The following HS6ST3 variants were observed in gnomAD, a reference collection of about 807,000 sequenced individuals.
HS6ST3 encodes heparan-sulfate 6-O-sulfotransferase 3.
HS6ST3 carries 12 observed loss-of-function variants against 36.7 expected under a neutral mutation model. That is an observed-to-expected ratio of 0.33 (90% CI 0.21 to 0.53). The LOEUF (loss-of-function observed/expected upper bound fraction) is 0.53, where lower values mean the gene tolerates loss of function less well. Among genes scored for constraint, HS6ST3 ranks in the 20% least tolerant of loss-of-function variants. The probability of loss-of-function intolerance (pLI) is 0.95; values close to 1 mark genes in which losing one functional copy is unlikely to be tolerated. For synonymous variants in HS6ST3, 240 were observed against 257.5 expected (o/e 0.93, Z 0.65); for missense variants, 584 against 640.9 (o/e 0.91, Z 0.96).
chr13:96,387,443 G>A (rs1044681433), intron 1 of HS6ST3, among the ~76,000 whole-genome samples: 1 of 152,122 alleles, frequency 6.6e-6, no homozygotes, highest in African/African-American at 2.4e-5. Context: ...TTCTGCACAG[G>A]AATAATACTT....
At chr13:96,788,067 G>A (rs1424771674) in intron 1 of HS6ST3, among the ~76,000 whole-genome samples, 1 of 151,794 alleles carries the variant, frequency 6.6e-6, no homozygotes, top group African/African-American at 2.4e-5. Flanking sequence ...GAACATACTT[G>A]TGCAGATCTA....
chr13:96,381,840 CACA>C (rs1339715188), intron 1 of HS6ST3, among the ~76,000 whole-genome samples: 3 of 152,264 alleles, frequency 2.0e-5, no homozygotes, highest in Middle Eastern at 3.4e-3. Flanking sequence ...TGGCCTGACA[CACA>C]ACACCAGACA....
chr13:96,215,274 GTA>G (rs1033055858), intron 1 of HS6ST3, among the ~76,000 whole-genome samples: 22 of 152,342 alleles, frequency 1.4e-4, no homozygotes, highest in Admixed American at 1.3e-3. Context: ...ATGTGCCTGT[GTA>G]TGGCTTTCTG....
At chr13:96,810,671 G>T (rs1878299370) in intron 1 of HS6ST3, among the ~76,000 whole-genome samples, 1 of 152,208 alleles carries the variant, frequency 6.6e-6, no homozygotes, top group Non-Finnish European at 1.5e-5. Flanking sequence ...TTAGGATGAT[G>T]TTAAAAATGG....
intron 1 of HS6ST3, among the ~76,000 whole-genome samples, chr13:96,125,071 G>T (rs1265016815): frequency 6.6e-6 from 1 of 152,100 alleles, no homozygotes; most frequent in Non-Finnish European, 1.5e-5. Flanking sequence ...TGGCTATTTG[G>T]ATTGCAATTA....
chr13:96,271,715 A>C (rs529771900), intron 1 of HS6ST3, among the ~76,000 whole-genome samples: 1 of 152,002 alleles, frequency 6.6e-6, no homozygotes, highest in Non-Finnish European at 1.5e-5. Flanking sequence ...GAATCTCCCA[A>C]TCTCAGTGGG....
At chr13:96,796,200 G>A (rs1368933327) in intron 1 of HS6ST3, among the ~76,000 whole-genome samples, 1 of 152,034 alleles carries the variant, frequency 6.6e-6, no homozygotes, top group Admixed American at 6.6e-5. Context: ...GCCTTTTGAT[G>A]TGTTGCTGGC....
At chr13:96,641,089 GA>G (rs1156717378) in intron 1 of HS6ST3, among the ~76,000 whole-genome samples, 1 of 151,890 alleles carries the variant, frequency 6.6e-6, no homozygotes, top group Non-Finnish European at 1.5e-5. Context: ...AGTTATGTGT[GA>G]AATAATGTGG....
At chr13:96,506,697 G>A (rs961544247) in intron 1 of HS6ST3, among the ~76,000 whole-genome samples, 12 of 152,106 alleles carry the variant, frequency 7.9e-5, no homozygotes, top group South Asian at 4.1e-4. Flanking sequence ...TATAAGGTAC[G>A]TACAAATATC....
At chr13:96,552,608 C>A (rs7326887) in intron 1 of HS6ST3, among the ~76,000 whole-genome samples, 25,892 of 152,060 alleles carry the variant, frequency 0.17, 3,002 homozygotes, top group African/African-American at 0.33. Context: ...CTGGACATCC[C>A]GGCCAGCAAG....
intron 1 of HS6ST3, among the ~76,000 whole-genome samples, chr13:96,111,003 A>T (rs1014193393): frequency 6.6e-6 from 1 of 152,164 alleles, no homozygotes; most frequent in African/African-American, 2.4e-5. Flanking sequence ...CTACACATTG[A>T]CTAGTATAAA....
intron 1 of HS6ST3, among the ~76,000 whole-genome samples, chr13:96,340,914 A>G (rs1316948029): frequency 6.6e-6 from 1 of 152,222 alleles, no homozygotes; most frequent in East Asian, 1.9e-4. Flanking sequence ...ATTCTCAGAC[A>G]TAATCACTAA....
chr13:96,313,775 C>T (rs2054953614), intron 1 of HS6ST3, among the ~76,000 whole-genome samples: 2 of 152,132 alleles, frequency 1.3e-5, no homozygotes, highest in African/African-American at 4.8e-5. Flanking sequence ...TATGATGGTC[C>T]AAGATAGAAA....
At chr13:96,192,950 G>A (rs2054295742) in intron 1 of HS6ST3, among the ~76,000 whole-genome samples, 1 of 152,124 alleles carries the variant, frequency 6.6e-6, no homozygotes, top group Admixed American at 6.6e-5. Context: ...AAGTATTATT[G>A]CAGTCAAGAG....
intron 1 of HS6ST3, among the ~76,000 whole-genome samples, chr13:96,830,348 C>A (rs1421233095): frequency 6.6e-6 from 1 of 152,168 alleles, no homozygotes; most frequent in Non-Finnish European, 1.5e-5. Flanking sequence ...AGTACAAATG[C>A]ATGCCCTAAC....
rs1305469908 is a variant in HS6ST3 at position 96,833,284 on chromosome 13, T to G, written c.*86T>G. On this transcript the variant is annotated 3_prime_UTR_variant, in exon 2 of 2. Transcript: ENST00000376705. ...AGGTACCTTGGAGAAGCTGAGCCATTCTGAGGACATCTGGCTGTGTGTGCT... is the reference window on the plus strand; with the variant it reads ...AGGTACCTTGGAGAAGCTGAGCCATGCTGAGGACATCTGGCTGTGTGTGCT... 3.1e-6 allele frequency: 3 copies of G among 982,834 alleles called. No homozygotes were observed. The African/African-American group carries it at 4.9e-5, about 16-fold the overall frequency. 60.9% of individuals were successfully genotyped at this position (982,834 alleles called of 1,614,324 possible).
rs528524320 is a variant in HS6ST3 at position 96,686,772 on chromosome 13, T to C, written c.708-145718T>C. 1.9e-4 allele frequency among the ~76,000 whole-genome samples: 29 copies of C among 152,162 alleles called. 1 individual carries two copies. Among genetic ancestry groups the C allele is most frequent in the African/African-American group, 6.7e-4 (28 of 41,560 alleles). On this transcript the variant is annotated intron_variant, in intron 1 of 1. Transcript: ENST00000376705. ...CTCGCTGTGGGGCTTCATTTCCCTATTGTGGAAAGAGACTTAGAAGATAAC... is the reference window on the plus strand; with the variant it reads ...CTCGCTGTGGGGCTTCATTTCCCTACTGTGGAAAGAGACTTAGAAGATAAC...
chr13:96,805,222 G>T (rs966722211), intron 1 of HS6ST3, among the ~76,000 whole-genome samples: 3 of 152,086 alleles, frequency 2.0e-5, no homozygotes, highest in African/African-American at 7.2e-5. Context: ...GGGCCTGGTG[G>T]GAGGTGATTG....
intron 1 of HS6ST3, among the ~76,000 whole-genome samples, chr13:96,346,890 G>A (rs2055158129): frequency 6.6e-6 from 1 of 152,108 alleles, no homozygotes; most frequent in African/African-American, 2.4e-5. Context: ...AATCATGACT[G>A]CTATCATGCT....
Sources: allele counts gnomAD v4.1 joint callset (sites outside exome capture counted in the v4.1 genomes callset), GRCh38; gene constraint gnomAD v4.1.1; transcripts MANE v1.5; gene names NCBI Gene and HGNC (gene_info 2026-07-23, HGNC 2026-07-21).